TRAPPC9: variants seen among roughly 807,000 people sequenced by gnomAD.
TRAPPC9 encodes the protein IKK2 binding protein.
A neutral mutation model predicts 124.0 loss-of-function variants in TRAPPC9; 83 were observed. That is an observed-to-expected ratio of 0.67 (90% CI 0.56 to 0.80). The LOEUF is 0.80. Ranked by LOEUF, TRAPPC9 falls within the 30% of genes least tolerant of loss-of-function variation. The probability of loss-of-function intolerance (pLI) is 0.00; values close to 1 mark genes in which losing one functional copy is unlikely to be tolerated. For missense variants in TRAPPC9, 1,302 were observed against 1,508.3 expected (o/e 0.86, Z 2.27); for synonymous variants, 638 against 617.5 (o/e 1.03, Z -0.49).
At chr8:139,736,675 C>T (rs1012511185) in intron 21 of TRAPPC9, among the ~76,000 whole-genome samples, 2 of 152,162 alleles carry the variant, frequency 1.3e-5, no homozygotes, top group Non-Finnish European at 1.5e-5. Context: ...GTCTAATGAC[C>T]GTGATGATGA....
chr8:140,021,076 G>A (rs181553107), intron 18 of TRAPPC9, among the ~76,000 whole-genome samples: 7 of 152,242 alleles, frequency 4.6e-5, no homozygotes, highest in African/African-American at 1.4e-4. Flanking sequence ...ATTTTTAAAG[G>A]TAGTATTAAA....
chr8:139,939,897 C>A (rs1833796904), intron 19 of TRAPPC9, among the ~76,000 whole-genome samples: 1 of 152,232 alleles, frequency 6.6e-6, no homozygotes, highest in African/African-American at 2.4e-5. Flanking sequence ...GAAAGGCCTG[C>A]CCCTCTGGCA....
At chr8:139,904,484 G>A (rs1364829504) in intron 20 of TRAPPC9, 2 of 152,210 alleles carry the variant, frequency 1.3e-5, no homozygotes, top group Non-Finnish European at 2.9e-5. Flanking sequence ...ACGGGCAAGG[G>A]GCATTCACCT....
intron 2 of TRAPPC9, among the ~76,000 whole-genome samples, chr8:140,442,820 G>C (rs938314704): frequency 6.6e-6 from 1 of 151,904 alleles, no homozygotes; most frequent in South Asian, 2.1e-4. Context: ...TTGCAGGGTC[G>C]GGGATGGTAT....
intron 21 of TRAPPC9, among the ~76,000 whole-genome samples, chr8:139,800,771 C>T (rs1823447026): frequency 1.3e-5 from 2 of 152,120 alleles, no homozygotes; most frequent in African/African-American, 2.4e-5. Flanking sequence ...GGTATCTTCC[C>T]TCCCTCCGGC....
chr8:140,147,903 G>A (rs375645570), intron 17 of TRAPPC9, among the ~76,000 whole-genome samples: 106 of 152,364 alleles, frequency 7.0e-4, no homozygotes, highest in African/African-American at 2.5e-3. Flanking sequence ...TTGCCACCTC[G>A]TGCCAGGCAC....
chr8:139,827,459 C>A (rs527949761), intron 21 of TRAPPC9, among the ~76,000 whole-genome samples: 1 of 152,320 alleles, frequency 6.6e-6, no homozygotes, highest in African/African-American at 2.4e-5. Context: ...GATGGGGACT[C>A]CGGGAGCAGG....
intron 17 of TRAPPC9, among the ~76,000 whole-genome samples, chr8:140,081,502 C>A (rs1009109016): frequency 3.3e-5 from 5 of 152,010 alleles, no homozygotes; most frequent in Non-Finnish European, 7.4e-5. Context: ...CCCACCACCA[C>A]ACCCAGCTAA....
intron 6 of TRAPPC9, among the ~76,000 whole-genome samples, chr8:140,398,809 T>A (rs760093699): frequency 6.6e-6 from 1 of 152,232 alleles, no homozygotes; most frequent in Non-Finnish European, 1.5e-5. Context: ...GTAATTTGCA[T>A]AAGTAAGAGG....
chr8:140,163,140 A>T lies in TRAPPC9; in HGVS notation c.2556+58319T>A, dbSNP rs376117296. Among the ~76,000 whole-genome samples, 5 of 152,344 alleles carry T rather than the reference A, an allele frequency of 3.3e-5. No individual in the cohort carries two copies. The East Asian group carries it at 5.8e-4, about 18-fold the overall frequency. On this transcript the variant is annotated intron_variant, in intron 17 of 22. Coordinates refer to ENST00000438773, the MANE Select transcript of TRAPPC9 (RefSeq NM_001160372.4). ...GCAAGAAGGTGGCAGCTATGCACGC[A>T]GAGGGCTTGCCAACCACCAGTCCCG...
At position 139,984,455 on chromosome 8, in the gene TRAPPC9, G is replaced by C. The variant is rs986274422; in HGVS notation, c.2810+4271C>G. Reference sequence around the variant, plus strand: ...TAGGTTTAGCACAGCCTGGGGGTGGGGGGCCGGGGGGTGGTGGCAGGGGTG... The same window carrying C: ...TAGGTTTAGCACAGCCTGGGGGTGGCGGGCCGGGGGGTGGTGGCAGGGGTG... On this transcript the variant is annotated intron_variant, in intron 19 of 22. Coordinates refer to ENST00000438773, the MANE Select transcript of TRAPPC9 (RefSeq NM_001160372.4). This position sits in a 1 kb window ranked among gnomAD's most constrained non-coding sequence, Gnocchi z 4.3. 6.6e-6 allele frequency among the ~76,000 whole-genome samples: 1 copy of C among 152,086 alleles called. No homozygotes were observed. Among genetic ancestry groups the C allele is most frequent in the African/African-American group, 2.4e-5 (1 of 41,404 alleles).
intron 17 of TRAPPC9, among the ~76,000 whole-genome samples, chr8:140,212,670 G>C (rs1362066446): frequency 6.6e-6 from 1 of 152,132 alleles, no homozygotes; most frequent in Non-Finnish European, 1.5e-5. Context: ...TGAAGGAAGA[G>C]TCTACATAGA....
chr8:140,301,334 T>C (rs573725408), intron 10 of TRAPPC9, among the ~76,000 whole-genome samples: 1 of 152,374 alleles, frequency 6.6e-6, no homozygotes, highest in Admixed American at 6.5e-5. Flanking sequence ...AGTCTGAGCA[T>C]GAGCAGGCAC....
intron 10 of TRAPPC9, among the ~76,000 whole-genome samples, chr8:140,309,239 G>A (rs140808101): frequency 2.6e-4 from 39 of 152,362 alleles, no homozygotes; most frequent in Middle Eastern, 6.8e-3. Context: ...CTTCCTAGGC[G>A]CTAGGCATGC....
rs186995199 is a variant in TRAPPC9 at position 139,781,476 on chromosome 8, A to C, written c.3056-49274T>G. Among the ~76,000 whole-genome samples, 386 of 152,372 alleles carry C rather than the reference A, an allele frequency of 2.5e-3. 1 individual carries two copies. Among genetic ancestry groups the C allele is most frequent in the Non-Finnish European group, 4.1e-3 (282 of 68,040 alleles). ...AAACAATAGGGGTTAGGGTACAAAG[A>C]AGGATAAACAGGCAGAGAATAGAGG... On this transcript the variant is annotated intron_variant, in intron 21 of 22. Transcript: ENST00000438773.
intron 19 of TRAPPC9, among the ~76,000 whole-genome samples, chr8:139,912,968 C>A (rs1387007791): frequency 6.6e-6 from 1 of 152,166 alleles, no homozygotes; most frequent in Non-Finnish European, 1.5e-5. Context: ...GCTTGATAAT[C>A]CAAAAGGAAC....
chr8:140,364,292 C>CA (rs34616334), intron 8 of TRAPPC9, among the ~76,000 whole-genome samples: 7,901 of 51,476 alleles, frequency 0.15, 576 homozygotes, highest in African/African-American at 0.26. Flanking sequence ...TCAAAGGATG[C>CA]AAAAAAAAAA....
intron 19 of TRAPPC9, chr8:139,915,003 G>A (rs922421791): frequency 2.1e-4 from 32 of 152,268 alleles, no homozygotes; most frequent in African/African-American, 7.2e-4. Context: ...GCTCTGGCAA[G>A]TCACTGCAAA....
At chr8:140,046,242 G>T (rs78581000) in intron 17 of TRAPPC9, among the ~76,000 whole-genome samples, 1 of 152,256 alleles carries the variant, frequency 6.6e-6, no homozygotes, top group Admixed American at 6.5e-5. Flanking sequence ...TGGATGCTCC[G>T]TGTGTTGTCC....
Sources: allele counts gnomAD v4.1 joint callset (sites outside exome capture counted in the v4.1 genomes callset), GRCh38; gene constraint gnomAD v4.1.1; non-coding constraint Gnocchi (gnomAD v3.1); transcripts MANE v1.5; gene names NCBI Gene and HGNC (gene_info 2026-07-23, HGNC 2026-07-21).